The following TTLL4 variants were observed in gnomAD, a reference collection of about 807,000 sequenced individuals.
TTLL4 encodes tubulin tyrosine ligase like 4.
Under a neutral mutation model 122.7 loss-of-function variants are expected in TTLL4, and 85 were observed. The observed-to-expected ratio is 0.69, with a 90% confidence interval of 0.58 to 0.83. TTLL4 has a LOEUF of 0.83. Among genes scored for constraint, TTLL4 ranks in the 40% least tolerant of loss-of-function variants. TTLL4 has a pLI of 0.00. For missense variants in TTLL4, 1,363 were observed against 1,488.6 expected (o/e 0.92, Z 1.39); for synonymous variants, 553 against 563.0 (o/e 0.98, Z 0.25).
intron 5 of TTLL4, among the ~76,000 whole-genome samples, chr2:218,741,122 G>C (rs1301352280): frequency 6.6e-6 from 1 of 152,154 alleles, no homozygotes; most frequent in Admixed American, 6.5e-5. Context: ...GGGCGCAGTG[G>C]CTTATGCCTG....
rs936795661 is a variant in TTLL4 at position 218,747,275 on chromosome 2, C to T, written c.2167-15C>T. On this transcript the variant is annotated splice_polypyrimidine_tract_variant and intron_variant, in intron 9 of 19. Transcript: ENST00000392102. This position sits in a 1 kb window ranked among gnomAD's most constrained non-coding sequence, Gnocchi z 4.7. ...ATTGGACCTGGAGCAAATCTCATCT[C>T]CTTTCTGCTCCTAGCCAGCATCAGC... 1.9e-5 allele frequency: 30 copies of T among 1,614,068 alleles called. No individual in the cohort carries two copies. The highest frequency in any genetic ancestry group is 2.5e-5 in the Non-Finnish European group (30 of 1,180,040).
chr2:218,716,908 A>G (rs1941877904), intron 1 of TTLL4, among the ~76,000 whole-genome samples: 1 of 152,222 alleles, frequency 6.6e-6, no homozygotes, highest in Non-Finnish European at 1.5e-5. Context: ...GATTCATGCT[A>G]AGTCACCAGC....
chr2:218,716,348 C>T (rs1444368144), intron 1 of TTLL4, among the ~76,000 whole-genome samples: 2 of 152,188 alleles, frequency 1.3e-5, no homozygotes, highest in East Asian at 3.8e-4. Flanking sequence ...CAGAAAAATC[C>T]TGCAATTCAG....
At chr2:218,728,881 T>A (rs1003725810) in intron 2 of TTLL4, among the ~76,000 whole-genome samples, 1 of 152,010 alleles carries the variant, frequency 6.6e-6, no homozygotes, top group African/African-American at 2.4e-5. Flanking sequence ...CTCTTGATGC[T>A]TTCTGTGGGT....
Position 218,734,465 on chromosome 2 carries a change from T to C in TTLL4, c.-98-3114T>C, listed in dbSNP as rs571563047. Among the ~76,000 whole-genome samples the C allele has an allele frequency of 4.6e-5, 7 of 152,320 alleles. No homozygotes were observed. The East Asian group carries it at 1.3e-3, about 29-fold the overall frequency. On this transcript the variant is annotated intron_variant, in intron 2 of 19. Transcript: ENST00000392102. Reference sequence around the variant, plus strand: ...GTTCATTGTTGAAGCTAATGTTCTGTGAGCAGTGATGGTGGCATGCGCAGA... The same window carrying C: ...GTTCATTGTTGAAGCTAATGTTCTGCGAGCAGTGATGGTGGCATGCGCAGA...
At chr2:218,711,202 G>A (rs1171753821) in intron 1 of TTLL4, among the ~76,000 whole-genome samples, 165 bp downstream of exon 1, 2 of 152,198 alleles carry the variant, frequency 1.3e-5, no homozygotes, top group African/African-American at 4.8e-5. Flanking sequence ...GGGAGGCCAG[G>A]GAGCCGCGGC....
rs866884895 is a variant in TTLL4 at position 218,748,739 on chromosome 2, T to C, written c.2502-97T>C. The C allele has an allele frequency of 9.0e-6, 9 of 995,692 alleles. No homozygotes were observed. The Middle Eastern group carries it at 1.1e-3, about 116-fold the overall frequency. 61.7% of individuals were successfully genotyped at this position (995,692 alleles called of 1,614,324 possible). On this transcript the variant is annotated intron_variant, in intron 12 of 19. Coordinates refer to ENST00000392102, the MANE Select transcript of TTLL4 (RefSeq NM_014640.5). ...ATTTAAACTGCGAAAGGAAGAGATA[T>C]GAAGAAAATACCATTAGGTCTCTTC...
chr2:218,751,264 A>G (rs2106460874), intron 15 of TTLL4, among the ~76,000 whole-genome samples: 1 of 152,166 alleles, frequency 6.6e-6, no homozygotes, highest in East Asian at 1.9e-4. Context: ...TTTTTTAGAG[A>G]CAGAGTCTCA....
Position 218,748,839 on chromosome 2 carries a change from A to C in TTLL4, c.2505A>C (p.Ala835=), listed in dbSNP as rs2106456129. The stretch of plus-strand genomic sequence containing the variant: ...ACTTCCTCTTCCTCCTCTGCAGGGC[A>C]CTGAAGGCTTTGTGGAACTACCTGA... ...DEMACQGHKW[A]LKALWNYLSQ... Residue 835 remains alanine (A), a synonymous_variant, in exon 13 of 20, where the codon GCA becomes GCC. Coordinates refer to ENST00000392102, the MANE Select transcript of TTLL4 (RefSeq NM_014640.5). 1.2e-6 allele frequency: 2 copies of C among 1,614,076 alleles called. No individual in the cohort carries two copies. Among genetic ancestry groups the C allele is most frequent in the East Asian group, 4.5e-5 (2 of 44,882 alleles).
chr2:218,725,971 CTGTT>C (rs1245773955), intron 1 of TTLL4, among the ~76,000 whole-genome samples: 2 of 152,190 alleles, frequency 1.3e-5, no homozygotes, highest in African/African-American at 2.4e-5. Flanking sequence ...GGGTATTAGA[CTGTT>C]TGAGTTTGTC....
In TTLL4 at chr2:218,746,186, C is replaced by T. The variant is rs1373233010; in HGVS notation, c.1929C>T (p.His643=). The T allele has an allele frequency of 3.7e-6, 6 of 1,614,004 alleles. No homozygotes were observed. The highest frequency in any genetic ancestry group is 4.2e-6 in the Non-Finnish European group (5 of 1,180,048). The stretch of plus-strand genomic sequence containing the variant: ...ATGACTGGCTGGGCTGCTGGGGTCA[C>T]CACATGAAGTCTCCTAGTTTCCGAT... ...RNDDWLGCWG[H]HMKSPSFRSI... The change falls in exon 8 of 20, where the codon CAC becomes CAT. Residue 643 remains histidine (H), a synonymous_variant. Transcript: ENST00000392102.
chr2:218,758,390 C>T (rs1321769080), downstream of TTLL4, among the ~76,000 whole-genome samples: 1 of 152,074 alleles, frequency 6.6e-6, no homozygotes, highest in Non-Finnish European at 1.5e-5. Context: ...AACAAGGTGC[C>T]TGATAATATA....
At chr2:218,731,690 C>G (rs1378320832) in intron 2 of TTLL4, among the ~76,000 whole-genome samples, 1 of 152,194 alleles carries the variant, frequency 6.6e-6, no homozygotes, top group Non-Finnish European at 1.5e-5. Context: ...CCTCCCACAA[C>G]TTCAGTCGGG....
chr2:218,743,668 TTTTTG>T (rs1575177420), intron 5 of TTLL4, among the ~76,000 whole-genome samples: 1 of 151,182 alleles, frequency 6.6e-6, no homozygotes, highest in African/African-American at 2.5e-5. Flanking sequence ...GTTTCTATCT[TTTTTG>T]TTTTGTTTTG....
intron 5 of TTLL4, among the ~76,000 whole-genome samples, chr2:218,744,408 T>C (rs1942784031): frequency 6.6e-6 from 1 of 152,204 alleles, no homozygotes; most frequent in Admixed American, 6.5e-5. Context: ...TTGACACCCC[T>C]TGAGACAGCC....
chr2:218,715,303 A>G (rs1028323470), intron 1 of TTLL4, among the ~76,000 whole-genome samples: 1 of 152,258 alleles, frequency 6.6e-6, no homozygotes, highest in African/African-American at 2.4e-5. Context: ...AGTTGTGGGT[A>G]TTGGTACTAT....
At position 218,748,098 on chromosome 2, in the gene TTLL4, C is replaced by T; in HGVS notation, c.2379-7C>T. On this transcript the variant is annotated splice_region_variant and splice_polypyrimidine_tract_variant and intron_variant, in intron 11 of 19. Coordinates refer to ENST00000392102, the MANE Select transcript of TTLL4 (RefSeq NM_014640.5). ...CTTACCTCTGCCTTTTGTTTCCTTA[C>T]TTCCAGGTATTCGCCTTCCATGAAG... The T allele has an allele frequency of 6.2e-7, 1 of 1,614,124 alleles. No homozygotes were observed. Among genetic ancestry groups the T allele is most frequent in the East Asian group, 2.2e-5 (1 of 44,866 alleles).
intron 2 of TTLL4, among the ~76,000 whole-genome samples, chr2:218,733,345 C>A (rs1942430285): frequency 6.6e-6 from 1 of 152,106 alleles, no homozygotes. Context: ...AGGAAACATT[C>A]AGTTGTGGCG....
intron 5 of TTLL4, among the ~76,000 whole-genome samples, chr2:218,744,823 C>T (rs947822265): frequency 2.6e-5 from 4 of 152,174 alleles, no homozygotes; most frequent in Non-Finnish European, 5.9e-5. Context: ...CTGTCAGGGA[C>T]TTTCCCAGCC....
Sources: gnomAD v4.1 joint callset for allele counts (sites outside exome capture counted in the v4.1 genomes callset) on GRCh38, gnomAD v4.1.1 for gene constraint, Gnocchi (gnomAD v3.1) non-coding constraint, MANE v1.5 for transcripts, NCBI Gene and HGNC (gene_info 2026-07-23, HGNC 2026-07-21) for gene names.